Variants in GFRAL observed in about 807,000 individuals in gnomAD.
The protein encoded by GFRAL is GDNF family receptor alpha like.
A neutral mutation model predicts 45.4 loss-of-function variants in GFRAL; 36 were observed. The ratio of observed to expected loss-of-function variants is 0.79; its 90% CI spans 0.61 to 1.05. The LOEUF (loss-of-function observed/expected upper bound fraction) is 1.05, where lower values mean the gene tolerates loss of function less well. Ranked by LOEUF, GFRAL falls within the 50% of genes least tolerant of loss-of-function variation. The probability of loss-of-function intolerance (pLI) is 0.00; values close to 1 mark genes in which losing one functional copy is unlikely to be tolerated. For missense variants in GFRAL, 507 were observed against 467.5 expected, an observed-to-expected ratio of 1.08 and a Z score of -0.78; for synonymous variants, 166 against 154.1, an observed-to-expected ratio of 1.08 and a Z score of -0.57.
At chr6:55,347,180 G>C (rs777153221) in intron 3 of GFRAL, among the ~76,000 whole-genome samples, 3 of 152,118 alleles carry the variant, frequency 2.0e-5, no homozygotes, top group Non-Finnish European at 4.4e-5. Context: ...TCCAGGAGAT[G>C]ATGCTAAGAT....
intron 3 of GFRAL, among the ~76,000 whole-genome samples, chr6:55,340,888 G>A (rs561143145): frequency 6.6e-6 from 1 of 152,162 alleles, no homozygotes; most frequent in Non-Finnish European, 1.5e-5. Flanking sequence ...CCCGTGCCTG[G>A]CTTGGAGGGT....
intron 2 of GFRAL, 63 bp from the exon 3 acceptor site, chr6:55,333,723 G>C (rs542988219): frequency 9.6e-7 from 1 of 1,045,656 alleles, no homozygotes; most frequent in African/African-American, 1.6e-5. Context: ...AAGTACTTTG[G>C]GGAGGAAGAA....
chr6:55,372,694 A>G (rs993804786), intron 6 of GFRAL, among the ~76,000 whole-genome samples: 2 of 152,152 alleles, frequency 1.3e-5, no homozygotes, highest in African/African-American at 4.8e-5. Flanking sequence ...ACTGGCCCCA[A>G]CTCAGTCACA....
chr6:55,327,641 A>G, intron 1 of GFRAL, 65 bp downstream of exon 1: 1 of 1,452,570 alleles, frequency 6.9e-7, no homozygotes, highest in Non-Finnish European at 9.6e-7. Context: ...TAAACTGAAT[A>G]CCATCACACT....
intron 6 of GFRAL, among the ~76,000 whole-genome samples, chr6:55,380,643 G>T (rs1768596125): frequency 6.6e-6 from 1 of 151,928 alleles, no homozygotes; most frequent in African/African-American, 2.4e-5. Context: ...CAGGGAATAA[G>T]AAAAGTCTGT....
chr6:55,360,251 A>G (rs1319968396), intron 6 of GFRAL, among the ~76,000 whole-genome samples: 1 of 151,892 alleles, frequency 6.6e-6, no homozygotes, highest in African/African-American at 2.4e-5. Context: ...AAACTTCCCC[A>G]GGCCCCTACC....
Position 55,340,809 on chromosome 6 carries a change from C to T in GFRAL, c.316+6865C>T, listed in dbSNP as rs186997500. On this transcript the variant is annotated intron_variant, in intron 3 of 8. Transcript: ENST00000340465. ...TGGTGACGGATGGCACCTGGAAAATCGGGTCACTCTCACCCTAATACTGCA... is the reference window on the plus strand; with the variant it reads ...TGGTGACGGATGGCACCTGGAAAATTGGGTCACTCTCACCCTAATACTGCA... Among the ~76,000 whole-genome samples, 455 of 152,270 alleles carry T rather than the reference C, an allele frequency of 3.0e-3. 4 individuals are homozygous for T. The highest frequency in any genetic ancestry group is 0.011 in the African/African-American group (444 of 41,542).
At chr6:55,355,625 T>C (rs1768180443) in intron 5 of GFRAL, among the ~76,000 whole-genome samples, 1 of 152,046 alleles carries the variant, frequency 6.6e-6, no homozygotes, top group African/African-American at 2.4e-5. Context: ...AGTTCCTTGG[T>C]GGAGTCTTTG....
chr6:55,362,835 T>C (rs1220086730), intron 6 of GFRAL, among the ~76,000 whole-genome samples: 8 of 149,838 alleles, frequency 5.3e-5, no homozygotes, highest in African/African-American at 2.0e-4. Context: ...TCCATGTGGA[T>C]AATTAAAAGA....
At chr6:55,337,372 GTTTTCTTATAA>G (rs146416384) in intron 3 of GFRAL, among the ~76,000 whole-genome samples, 8,093 of 152,124 alleles carry the variant, frequency 0.053, 856 homozygotes, top group East Asian at 0.34. Context: ...ATGTTGATTT[GTTTTCTTATAA>G]TGTCTTTGGT....
At position 55,327,587 on chromosome 6, in the gene GFRAL, G is replaced by T; in HGVS notation, c.22+11G>T. 1 of 1,610,778 alleles carries T rather than the reference G, an allele frequency of 6.2e-7. No homozygotes were observed. The highest frequency in any genetic ancestry group is 1.1e-5 in the South Asian group (1 of 90,966). On this transcript the variant is annotated intron_variant, in intron 1 of 8. Transcript: ENST00000340465. ...TGTTTATTTTCTTGGGTAAGTGAAT[G>T]GTGCTTCTGGTTTATCTGAATTATT...
intron 5 of GFRAL, among the ~76,000 whole-genome samples, chr6:55,354,827 T>C (rs1269441012): frequency 6.6e-6 from 1 of 151,952 alleles, no homozygotes; most frequent in Non-Finnish European, 1.5e-5. Context: ...TCTGTCCCTG[T>C]TCCAAATTTT....
intron 6 of GFRAL, among the ~76,000 whole-genome samples, chr6:55,388,677 C>T (rs78613836): frequency 0.064 from 9,770 of 152,292 alleles, 509 homozygotes; most frequent in African/African-American, 0.14. Flanking sequence ...TCCAGCACCC[C>T]TACCCTAAAA....
At chr6:55,386,967 C>T (rs1184480369) in intron 6 of GFRAL, among the ~76,000 whole-genome samples, 3 of 152,150 alleles carry the variant, frequency 2.0e-5, no homozygotes, top group Non-Finnish European at 2.9e-5. Flanking sequence ...AGGAGAACGG[C>T]TGTCTTCTAC....
intron 6 of GFRAL, among the ~76,000 whole-genome samples, chr6:55,386,980 T>C (rs1035899808): frequency 6.6e-6 from 1 of 152,176 alleles, no homozygotes; most frequent in South Asian, 2.1e-4. Context: ...TCTTCTACCT[T>C]CATTTTCTCC....
At chr6:55,355,830 C>T (rs1044214968) in intron 5 of GFRAL, among the ~76,000 whole-genome samples, 2 of 151,822 alleles carry the variant, frequency 1.3e-5, no homozygotes, top group African/African-American at 4.8e-5. Context: ...CAGTTTTTCC[C>T]CATTTTATAT....
intron 3 of GFRAL, among the ~76,000 whole-genome samples, chr6:55,341,833 C>T (rs1354727350): frequency 2.0e-5 from 3 of 152,126 alleles, no homozygotes; most frequent in Non-Finnish European, 4.4e-5. Flanking sequence ...CTTAAATGAG[C>T]TGATGGAGCT....
chr6:55,388,574 A>G (rs975821457), intron 6 of GFRAL, among the ~76,000 whole-genome samples: 5 of 152,238 alleles, frequency 3.3e-5, no homozygotes, highest in Admixed American at 1.3e-4. Flanking sequence ...CACTAAGCAT[A>G]TGTCTACAAC....
intron 6 of GFRAL, among the ~76,000 whole-genome samples, chr6:55,368,043 A>C (rs989522884): frequency 4.0e-5 from 6 of 148,568 alleles, no homozygotes; most frequent in African/African-American, 1.5e-4. Context: ...GTGTTTTCCA[A>C]CTTGGTTCCA....
Sources: gnomAD v4.1 joint callset for allele counts (sites outside exome capture counted in the v4.1 genomes callset) on GRCh38, gnomAD v4.1.1 for gene constraint, MANE v1.5 for transcripts, NCBI Gene and HGNC (gene_info 2026-07-23, HGNC 2026-07-21) for gene names.